PDE1B: variants seen among roughly 807,000 people sequenced by gnomAD.
PDE1B encodes the protein dual specificity calcium/calmodulin-dependent 3',5'-cyclic nucleotide phosphodiesterase 1B.
Under a neutral mutation model 66.7 loss-of-function variants are expected in PDE1B, and 13 were observed. The observed-to-expected ratio is 0.19, with a 90% CI of 0.13 to 0.31. PDE1B has a LOEUF of 0.31. Ranked by LOEUF, PDE1B falls within the 10% of genes least tolerant of loss-of-function variation. The probability of loss-of-function intolerance (pLI) is 1.00; values close to 1 mark genes in which losing one functional copy is unlikely to be tolerated. For missense variants in PDE1B, 485 were observed against 682.3 expected (o/e 0.71, Z 3.22); for synonymous variants, 230 against 253.9 (o/e 0.91, Z 0.90).
chr12:54,556,166 C>T (rs1324200902), intron 2 of PDE1B, among the ~76,000 whole-genome samples: 2 of 152,170 alleles, frequency 1.3e-5, no homozygotes, highest in Admixed American at 1.3e-4. Flanking sequence ...TATTTTCCAA[C>T]TCTCTTCAGG....
chr12:54,570,538 A>C, intron 6 of PDE1B, 181 bp downstream of exon 6: 1 of 579,204 alleles, frequency 1.7e-6, no homozygotes, highest in Non-Finnish European at 3.1e-6. Flanking sequence ...TTAGTTCCAG[A>C]CTTCATTAAT....
Position 54,577,239 on chromosome 12 carries a change from A to G in PDE1B, c.1522A>G (p.Met508Val). ...ERAASGITNQMSIDELSPCEE... is the reference protein window; with the variant it reads ...ERAASGITNQVSIDELSPCEE... ...CTCCTCTACAGGCATCACCAACCAG[A>G]TGTCCATTGACGAGCTGTCCCCCTG... Residue 508 changes from methionine (M) to valine (V), a missense_variant, in exon 15 of 16, where the codon ATG becomes GTG. Physicochemically the swap from Met to Val is conservative, Grantham distance 21 (BLOSUM62 1). Transcript: ENST00000243052. The G allele has an allele frequency of 6.2e-7, 1 of 1,613,880 alleles. No homozygotes were observed. Among genetic ancestry groups the G allele is most frequent in the South Asian group, 1.1e-5 (1 of 91,048 alleles).
In PDE1B at chr12:54,572,596, C is replaced by G; in HGVS notation, c.595-5C>G. The G allele has an allele frequency of 6.2e-7, 1 of 1,612,902 alleles. No individual in the cohort carries two copies. The highest frequency in any genetic ancestry group is 1.7e-5 in the Admixed American group (1 of 60,008). On this transcript the variant is annotated splice_polypyrimidine_tract_variant and splice_region_variant and intron_variant, in intron 6 of 15. Transcript: ENST00000243052. ...TATATCTCCATTTCCCCTAACTCCC[C>G]GCAGATTCCCACTGTGTTTTTGATG...
At chr12:54,564,022 T>C (rs2121086406) in intron 2 of PDE1B, among the ~76,000 whole-genome samples, 1 of 152,102 alleles carries the variant, frequency 6.6e-6, no homozygotes. Flanking sequence ...TGAAATCTGT[T>C]GAACCAAACA....
At chr12:54,554,997 AT>A (rs1055598822) in intron 2 of PDE1B, among the ~76,000 whole-genome samples, 9 of 152,174 alleles carry the variant, frequency 5.9e-5, no homozygotes, top group African/African-American at 2.2e-4. Context: ...TTGAGCCGTG[AT>A]TGAAGGAGTC....
chr12:54,561,518 C>A, intron 2 of PDE1B: 1 of 1,441,850 alleles, frequency 6.9e-7, no homozygotes, highest in South Asian at 1.4e-5. Context: ...AAGTTGTCCC[C>A]TCTTGGGGGC....
chr12:54,560,153 C>T (rs1168676271), intron 2 of PDE1B, among the ~76,000 whole-genome samples: 1 of 152,170 alleles, frequency 6.6e-6, no homozygotes, highest in African/African-American at 2.4e-5. Flanking sequence ...TATTTGACTT[C>T]CACTCCTCTT....
chr12:54,557,206 C>T (rs1957352695), intron 2 of PDE1B, among the ~76,000 whole-genome samples: 1 of 152,212 alleles, frequency 6.6e-6, no homozygotes, highest in African/African-American at 2.4e-5. Flanking sequence ...GCACTAGACA[C>T]CTCAAAGACT....
In PDE1B at chr12:54,573,159, G is replaced by A. The variant is rs113265707; in HGVS notation, c.747G>A (p.Ser249=). ...LLRTGMVHCL[S]EIELLAIIFA... is the part of the protein sequence containing the mutation. ...CTTTCCTCCTGTAGCACTGCCTGTC[G>A]GAGATTGAGCTCCTGGCCATCATCT... The change falls in exon 8 of 16, where the codon TCG becomes TCA. Residue 249 remains serine, a synonymous_variant. Transcript: ENST00000243052. This position sits in a 1 kb window ranked among gnomAD's most constrained non-coding sequence, Gnocchi z 5.2. 7.3e-5 allele frequency: 117 copies of A among 1,613,586 alleles called. No individual in the cohort carries two copies. In the African/African-American group the frequency reaches 1.2e-3, roughly 16 times the overall value.
intron 2 of PDE1B, among the ~76,000 whole-genome samples, chr12:54,554,936 G>T (rs976985508): frequency 5.9e-5 from 9 of 152,202 alleles, no homozygotes; most frequent in African/African-American, 1.9e-4. Context: ...TATTGGCTGG[G>T]ATGAGGGAGA....
At chr12:54,577,378 C>T in intron 15 of PDE1B, 33 bp downstream of exon 15, 3 of 1,610,238 alleles carry the variant, frequency 1.9e-6, no homozygotes, top group Non-Finnish European at 2.5e-6. Context: ...TGTAGGAGAG[C>T]TGGTGTCTAT....
At chr12:54,567,350 A>T (rs911037037) in intron 3 of PDE1B, among the ~76,000 whole-genome samples, 3 of 151,706 alleles carry the variant, frequency 2.0e-5, no homozygotes, top group African/African-American at 7.3e-5. Flanking sequence ...CAAAAAAAAA[A>T]AAATTAGCCA....
At position 54,575,083 on chromosome 12, in the gene PDE1B, A is replaced by T; in HGVS notation, c.1065-15A>T. On this transcript the variant is annotated splice_polypyrimidine_tract_variant and intron_variant, in intron 10 of 15. Transcript: ENST00000243052. The surrounding 1 kb of genome is among the most constrained non-coding windows in gnomAD (Gnocchi z 4.0). Reference sequence around the variant, plus strand: ...AAAGATCAGTCTCCCTTCCCTTGCCATCTGCCCCAACCAGGATTGACAAGC... The same window carrying T: ...AAAGATCAGTCTCCCTTCCCTTGCCTTCTGCCCCAACCAGGATTGACAAGC... The T allele has an allele frequency of 6.2e-7, 1 of 1,611,972 alleles. No homozygotes were observed. Among genetic ancestry groups the T allele is most frequent in the Admixed American group, 1.7e-5 (1 of 59,856 alleles).
chr12:54,572,856 A>G (rs1957641977), intron 7 of PDE1B, 115 bp downstream of exon 7: 1 of 1,110,244 alleles, frequency 9.0e-7, no homozygotes, highest in Non-Finnish European at 1.3e-6. Context: ...TGGGCACTCC[A>G]AAGCCTTGAC....
In PDE1B at chr12:54,573,884, T is replaced by A. The variant is rs1400322319; in HGVS notation, c.1064+175T>A. 14,606 of 573,540 alleles carry A rather than the reference T, an allele frequency of 0.025. 316 individuals carry two copies. Among genetic ancestry groups the A allele is most frequent in the Middle Eastern group, 0.059 (123 of 2,094 alleles). The allele number at this position is 573,540 out of a possible 1,614,324, so 35.5% of individuals were successfully genotyped here. On this transcript the variant is annotated intron_variant, in intron 10 of 15. Transcript: ENST00000243052. The surrounding 1 kb of genome is among the most constrained non-coding windows in gnomAD (Gnocchi z 5.2). The stretch of plus-strand genomic sequence containing the variant: ...GAGAGAGAGAGAGTGTGTGTGTGTG[T>A]GTGTGTGTGTGTGTGTGTGTGTGTG...
chr12:54,576,526 G>A (rs1957752531), intron 13 of PDE1B, 45 bp from the exon 14 acceptor site: 2 of 1,612,712 alleles, frequency 1.2e-6, no homozygotes, highest in South Asian at 1.1e-5. Flanking sequence ...GTTCTGGAGT[G>A]GGCTGGGGCT....
At chr12:54,577,598 T>A in intron 15 of PDE1B, 1 of 1,484,438 alleles carries the variant, frequency 6.7e-7, no homozygotes, top group Non-Finnish European at 8.9e-7. Context: ...GGTGGGCCCA[T>A]GCCAGGTGAC....
chr12:54,572,679 C>A lies in PDE1B; in HGVS notation c.673C>A (p.Gln225Lys), dbSNP rs1391592749. The change falls in exon 7 of 16, where the codon CAG (glutamine) becomes AAG (lysine). Residue 225 changes from glutamine (Q) to lysine (K), a missense_variant. Gln to Lys is a moderately conservative substitution (Grantham distance 53). Coordinates refer to ENST00000243052, the MANE Select transcript of PDE1B (RefSeq NM_000924.4). Reference sequence around the variant, plus strand: ...GAAGTACAAGAATCCTTACCACAACCAGATCCACGCAGCCGATGTTACCCA... The same window carrying A: ...GAAGTACAAGAATCCTTACCACAACAAGATCCACGCAGCCGATGTTACCCA... Reference protein sequence around the residue: ...YGKYKNPYHNQIHAADVTQTV... With the variant: ...YGKYKNPYHNKIHAADVTQTV... 6.2e-7 allele frequency: 1 copy of A among 1,613,960 alleles called. No homozygotes were observed. The highest frequency in any genetic ancestry group is 1.3e-5 in the African/African-American group (1 of 74,922).
chr12:54,562,730 T>A (rs1279497399), intron 2 of PDE1B, among the ~76,000 whole-genome samples: 10 of 152,324 alleles, frequency 6.6e-5, no homozygotes, highest in Non-Finnish European at 1.2e-4. Flanking sequence ...GTGGGTTATT[T>A]GACTTCAGGA....
Sources: allele counts gnomAD v4.1 joint callset (sites outside exome capture counted in the v4.1 genomes callset), GRCh38; gene constraint gnomAD v4.1.1; non-coding constraint Gnocchi (gnomAD v3.1); transcripts MANE v1.5; gene names NCBI Gene and HGNC (gene_info 2026-07-23, HGNC 2026-07-21).